The following LYN variants were observed in gnomAD, a reference collection of about 807,000 sequenced individuals.
LYN encodes the protein LYN proto-oncogene, Src family tyrosine kinase.
In LYN, 12 loss-of-function variants were observed where a neutral mutation model predicts 65.0. That is an observed-to-expected ratio of 0.18 (90% CI 0.12 to 0.30). The LOEUF (loss-of-function observed/expected upper bound fraction) is 0.30, where lower values mean the gene tolerates loss of function less well. LYN is among the 10% of genes least tolerant of loss of function. The probability of loss-of-function intolerance (pLI) is 1.00; values close to 1 mark genes in which losing one functional copy is unlikely to be tolerated. For missense variants in LYN, 380 were observed against 623.2 expected, an observed-to-expected ratio of 0.61 and a Z score of 4.16; for synonymous variants, 222 against 221.2, an observed-to-expected ratio of 1.00 and a Z score of -0.03.
At chr8:55,943,580 A>G (rs1806690665) in intron 2 of LYN, among the ~76,000 whole-genome samples, 1 of 151,590 alleles carries the variant, frequency 6.6e-6, no homozygotes, top group South Asian at 2.1e-4. Flanking sequence ...TGTCTCAAAA[A>G]AAAAAAAAAA....
chr8:55,917,174 TAA>T (rs776843044), intron 1 of LYN, among the ~76,000 whole-genome samples: 44 of 135,620 alleles, frequency 3.2e-4, no homozygotes, highest in African/African-American at 8.0e-4. Context: ...AGATTCTGTC[TAA>T]AAAAAAAAAA....
intron 3 of LYN, 62 bp downstream of exon 3, chr8:55,946,555 T>C: frequency 9.9e-7 from 1 of 1,007,512 alleles, no homozygotes; most frequent in East Asian, 2.4e-5. Flanking sequence ...TTCTATAAAG[T>C]GATTGTCCTA....
intron 1 of LYN, among the ~76,000 whole-genome samples, chr8:55,937,783 C>T (rs905827477): frequency 2.8e-4 from 42 of 152,170 alleles, no homozygotes; most frequent in Admixed American, 2.5e-3. Context: ...GCAACCTCTG[C>T]CTCCCAGGCT....
At chr8:55,953,188 C>G (rs986469220) in intron 7 of LYN, among the ~76,000 whole-genome samples, 9 of 152,166 alleles carry the variant, frequency 5.9e-5, no homozygotes, top group African/African-American at 2.2e-4. Flanking sequence ...CGAGTCCCCA[C>G]TATGGTGCCC....
chr8:55,925,345 G>C (rs903958615), intron 1 of LYN, among the ~76,000 whole-genome samples: 2 of 152,050 alleles, frequency 1.3e-5, no homozygotes, highest in Non-Finnish European at 2.9e-5. Context: ...GGCTGGTCTC[G>C]TACTCCTGGC....
chr8:55,993,186 C>G (rs767314827), intron 10 of LYN, among the ~76,000 whole-genome samples: 10 of 152,040 alleles, frequency 6.6e-5, no homozygotes, highest in Admixed American at 2.0e-4. Context: ...TTCAGTAATT[C>G]TTCCTGGAGG....
At chr8:55,890,869 A>T (rs1341700612) in intron 1 of LYN, among the ~76,000 whole-genome samples, 1 of 151,936 alleles carries the variant, frequency 6.6e-6, no homozygotes, top group Non-Finnish European at 1.5e-5. Flanking sequence ...CTGAGACTAC[A>T]GGTGCATGCC....
intron 10 of LYN, among the ~76,000 whole-genome samples, chr8:55,979,512 G>T (rs1807858218): frequency 6.6e-6 from 1 of 152,162 alleles, no homozygotes; most frequent in African/African-American, 2.4e-5. Context: ...CTATGCATTT[G>T]TGTCTGTAGC....
Position 55,947,198 on chromosome 8 carries a change from G to A in LYN, c.179-420G>A, listed in dbSNP as rs189548561. On this transcript the variant is annotated intron_variant, in intron 3 of 12. Coordinates refer to ENST00000519728, the MANE Select transcript of LYN (RefSeq NM_002350.4). ...CAGGAGGTGGAGGTTGCAGTGAGCC[G>A]AGATTGCACTATTGCACTCCAGTCT... 1.2e-4 allele frequency among the ~76,000 whole-genome samples: 19 copies of A among 152,312 alleles called. No homozygotes were observed. The East Asian group carries it at 3.3e-3, about 26-fold the overall frequency.
At chr8:55,903,741 T>C (rs1805345818) in intron 1 of LYN, among the ~76,000 whole-genome samples, 2 of 152,310 alleles carry the variant, frequency 1.3e-5, no homozygotes, top group South Asian at 4.1e-4. Context: ...GTTTTATCCA[T>C]GGTAGCTCAC....
At chr8:55,923,812 T>C (rs1210169004) in intron 1 of LYN, among the ~76,000 whole-genome samples, 2 of 152,068 alleles carry the variant, frequency 1.3e-5, no homozygotes, top group Non-Finnish European at 2.9e-5. Flanking sequence ...TTGTTGGGAT[T>C]AGAGGCGTGA....
At chr8:55,890,204 CA>C (rs1804918862) in intron 1 of LYN, among the ~76,000 whole-genome samples, 1 of 150,918 alleles carries the variant, frequency 6.6e-6, no homozygotes, top group Non-Finnish European at 1.5e-5. Flanking sequence ...CTCAACTACT[CA>C]GGAGACTGAG....
intron 8 of LYN, among the ~76,000 whole-genome samples, chr8:55,956,243 T>TACCA (rs552685248): frequency 1.3e-5 from 2 of 152,216 alleles, no homozygotes; most frequent in Non-Finnish European, 2.9e-5. Flanking sequence ...CAGTTGTTAA[T>TACCA]ATTGTCCTAA....
chr8:55,945,607 G>A (rs1478625822), intron 2 of LYN, among the ~76,000 whole-genome samples: 1 of 152,204 alleles, frequency 6.6e-6, no homozygotes, highest in Non-Finnish European at 1.5e-5. Flanking sequence ...GCCTCTGACA[G>A]CATCTATCTT....
At chr8:56,001,343 C>T (rs1299257254) in intron 12 of LYN, among the ~76,000 whole-genome samples, 1 of 152,138 alleles carries the variant, frequency 6.6e-6, no homozygotes, top group African/African-American at 2.4e-5. Flanking sequence ...TAGAGTGGCT[C>T]AGGGAGAGAC....
At chr8:55,943,782 T>C (rs1260893270) in intron 2 of LYN, among the ~76,000 whole-genome samples, 2 of 152,062 alleles carry the variant, frequency 1.3e-5, no homozygotes, top group South Asian at 2.1e-4. Context: ...AACATCGGTC[T>C]TCTTAAGAAG....
intron 1 of LYN, among the ~76,000 whole-genome samples, chr8:55,912,676 G>T (rs908508803): frequency 6.7e-6 from 1 of 150,102 alleles, no homozygotes; most frequent in Non-Finnish European, 1.5e-5. Context: ...GCAGTGAGCC[G>T]AGATTATGCC....
intron 1 of LYN, among the ~76,000 whole-genome samples, chr8:55,898,736 G>A (rs1028518767): frequency 2.6e-5 from 4 of 152,144 alleles, no homozygotes; most frequent in Admixed American, 6.6e-5. Flanking sequence ...AAGAAATTCT[G>A]TATCCTTTAG....
chr8:55,910,208 T>A (rs1291130447), intron 1 of LYN, among the ~76,000 whole-genome samples: 1 of 152,208 alleles, frequency 6.6e-6, no homozygotes, highest in Non-Finnish European at 1.5e-5. Flanking sequence ...GTCTTAGTCA[T>A]GAATTCTTTG....
Sources: allele counts gnomAD v4.1 joint callset (sites outside exome capture counted in the v4.1 genomes callset), GRCh38; gene constraint gnomAD v4.1.1; transcripts MANE v1.5; gene names NCBI Gene and HGNC (gene_info 2026-07-23, HGNC 2026-07-21).